The following MRS2 variants were observed in gnomAD, a reference collection of about 807,000 sequenced individuals.
MRS2 encodes magnesium transporter MRS2 homolog, mitochondrial.
In MRS2, 40 loss-of-function variants were observed where a neutral mutation model predicts 52.6. That is an observed-to-expected ratio of 0.76 (90% confidence interval 0.59 to 0.99). The LOEUF (loss-of-function observed/expected upper bound fraction) is 0.99, where lower values mean the gene tolerates loss of function less well. Among genes scored for constraint, MRS2 ranks in the 50% least tolerant of loss-of-function variants. The probability of loss-of-function intolerance (pLI) is 0.00; values close to 1 mark genes in which losing one functional copy is unlikely to be tolerated. For missense variants in MRS2, 472 were observed against 532.7 expected (o/e 0.89, Z 1.12); for synonymous variants, 193 against 195.9 (o/e 0.98, Z 0.13).
At chr6:24,404,593 T>G (rs2127279885) in intron 1 of MRS2, among the ~76,000 whole-genome samples, 1 of 152,212 alleles carries the variant, frequency 6.6e-6, no homozygotes, top group South Asian at 2.1e-4. Flanking sequence ...TCTAATCACG[T>G]TTTAAATAGA....
intron 5 of MRS2, among the ~76,000 whole-genome samples, chr6:24,413,800 C>T (rs151103545): frequency 4.7e-4 from 71 of 152,330 alleles, no homozygotes; most frequent in African/African-American, 1.4e-3. Context: ...TAATTTACGT[C>T]ATCAGTTTTA....
At chr6:24,422,714 T>A (rs1762088627) in intron 9 of MRS2, among the ~76,000 whole-genome samples, 1 of 152,230 alleles carries the variant, frequency 6.6e-6, no homozygotes, top group Admixed American at 6.5e-5. Flanking sequence ...GCAGTACATT[T>A]GGCATATAGA....
At position 24,423,393 on chromosome 6, in the gene MRS2, T is replaced by C. The variant is rs867710855; in HGVS notation, c.1222-191T>C. On this transcript the variant is annotated intron_variant, in intron 10 of 10. Transcript: ENST00000378386. ...CAAATGGAAATGTAGGAAACATTTATAACGTTCTTAAAAGATAGAAAATTC... is the reference window on the plus strand; with the variant it reads ...CAAATGGAAATGTAGGAAACATTTACAACGTTCTTAAAAGATAGAAAATTC... The C allele has an allele frequency of 1.6e-4, 82 of 503,990 alleles. No homozygotes were observed. In the Middle Eastern group the frequency reaches 3.2e-3, roughly 19 times the overall value. 31.2% of individuals were successfully genotyped at this position (503,990 alleles called of 1,614,324 possible). A position where few individuals can be genotyped will look rare whatever the true frequency, so the allele number is the denominator to read the frequency against.
chr6:24,405,743 G>A (rs1296541169), intron 2 of MRS2, among the ~76,000 whole-genome samples: 1 of 147,508 alleles, frequency 6.8e-6, no homozygotes, highest in African/African-American at 2.5e-5. Flanking sequence ...TATGGGAATT[G>A]GTTGTAATAT....
In MRS2 at chr6:24,412,222, T is replaced by G; in HGVS notation, c.415T>G (p.Tyr139Asp). Residue 139 changes from tyrosine (Y) to aspartate (D), a missense_variant and splice_region_variant, in exon 5 of 11, where the codon TAT becomes GAT. Coordinates refer to ENST00000378386, the MANE Select transcript of MRS2 (RefSeq NM_020662.4). ...GTTTTGGTTTTTTTTTTTTTAACAG[T>G]ATTTGAAAGCTGTGATAACTCCAGA... Reference protein sequence around the residue: ...RNNRIIMRMEYLKAVITPECL... With the variant: ...RNNRIIMRMEDLKAVITPECL... The G allele has an allele frequency of 6.5e-7, 1 of 1,527,698 alleles. No homozygotes were observed. Among genetic ancestry groups the G allele is most frequent in the Non-Finnish European group, 8.8e-7 (1 of 1,138,964 alleles). The allele number at this position is 1,527,698 out of a possible 1,614,324, so 94.6% of individuals were successfully genotyped here.
Position 24,415,123 on chromosome 6 carries a change from G to A in MRS2, c.679G>A (p.Asp227Asn). Residue 227 changes from aspartate (D) to asparagine (N), a missense_variant, in exon 6 of 11, where the codon GAC becomes AAC. Asp to Asn is a conservative substitution (Grantham distance 23). Transcript: ENST00000378386. ...GGTGGACCCCAAACATTCTTCTGTAGACAGAAGCAAACTGCACATTTTACT... is the reference window on the plus strand; with the variant it reads ...GGTGGACCCCAAACATTCTTCTGTAAACAGAAGCAAACTGCACATTTTACT... ...ALVDPKHSSV[D>N]RSKLHILLQN... The A allele has an allele frequency of 1.2e-6, 2 of 1,608,030 alleles. No individual in the cohort carries two copies. Among genetic ancestry groups the A allele is most frequent in the African/African-American group, 1.3e-5 (1 of 75,004 alleles).
chr6:24,405,389 C>A, intron 2 of MRS2, 148 bp downstream of exon 2: 1 of 606,448 alleles, frequency 1.6e-6, no homozygotes. Flanking sequence ...GGCCAGTGAC[C>A]TAAGTGCCTG....
intron 7 of MRS2, 146 bp from the exon 8 acceptor site, chr6:24,417,938 C>G: frequency 1.7e-6 from 1 of 594,170 alleles, no homozygotes; most frequent in Non-Finnish European, 2.7e-6. Context: ...GAAACTCCAT[C>G]TCAAAAAAAA....
At chr6:24,419,279 C>T (rs931627725) in intron 9 of MRS2, 4 of 148,830 alleles carry the variant, frequency 2.7e-5, no homozygotes, top group Admixed American at 6.6e-5. Context: ...CTGTAAACTA[C>T]CATGGTGAAA....
chr6:24,409,967 A>G (rs925865795), intron 4 of MRS2, among the ~76,000 whole-genome samples: 1 of 152,196 alleles, frequency 6.6e-6, no homozygotes, highest in Non-Finnish European at 1.5e-5. Flanking sequence ...TAAATAGCAC[A>G]GGAATAGACA....
At chr6:24,420,137 G>GC (rs1761995165) in intron 9 of MRS2, among the ~76,000 whole-genome samples, 1 of 152,170 alleles carries the variant, frequency 6.6e-6, no homozygotes. Context: ...TCCATCTTGT[G>GC]GGTAGCCACT....
chr6:24,415,700 A>T (rs1258508215), intron 6 of MRS2, among the ~76,000 whole-genome samples: 1 of 152,228 alleles, frequency 6.6e-6, no homozygotes, highest in African/African-American at 2.4e-5. Flanking sequence ...GTTCTATATT[A>T]TCACTGCCAT....
chr6:24,422,790 CA>C (rs1762091343), intron 9 of MRS2, 146 bp from the exon 10 acceptor site: 3 of 502,586 alleles, frequency 6.0e-6, no homozygotes, highest in Middle Eastern at 5.3e-4. Flanking sequence ...TGGGTGCTAT[CA>C]AGGCCCTTGT....
At position 24,425,024 on chromosome 6, in the gene MRS2, A is replaced by G. The variant is rs1212712243; in HGVS notation, c.*1330A>G. 6.6e-6 allele frequency: 1 copy of G among 152,278 alleles called. No individual in the cohort carries two copies. The highest frequency in any genetic ancestry group is 1.5e-5 in the Non-Finnish European group (1 of 68,058). The allele number at this position is 152,278 out of a possible 1,614,324, so 9.4% of individuals were successfully genotyped here. A position where few individuals can be genotyped will look rare whatever the true frequency, so the allele number is the denominator to read the frequency against. On this transcript the variant is annotated 3_prime_UTR_variant, in exon 11 of 11. Transcript: ENST00000378386. ...AACAGGACAGGCTGGGCTAGACTCG[A>G]GCACGCAGTGGCCCCTGTGCCACCA...
At position 24,424,157 on chromosome 6, in the gene MRS2, ACT is replaced by A. The variant is rs1183533158; in HGVS notation, c.*466_*467del. 4 of 152,040 alleles carry A rather than the reference ACT, an allele frequency of 2.6e-5. No homozygotes were observed. The highest frequency in any genetic ancestry group is 5.9e-5 in the Non-Finnish European group (4 of 68,066). The allele number at this position is 152,040 out of a possible 1,614,324, so 9.4% of individuals were successfully genotyped here. A position where few individuals can be genotyped will look rare whatever the true frequency, so the allele number is the denominator to read the frequency against. On this transcript the variant is annotated 3_prime_UTR_variant, in exon 11 of 11. Coordinates refer to ENST00000378386, the MANE Select transcript of MRS2 (RefSeq NM_020662.4). ...ATTCTATGTATTAACCTTACAACAG[ACT>A]CTGTAAGTTTGAGCTTTAAAAACCA...
intron 10 of MRS2, 79 bp downstream of exon 10, chr6:24,423,129 G>A (rs1762108943): frequency 8.9e-7 from 1 of 1,125,310 alleles, no homozygotes; most frequent in East Asian, 2.4e-5. Context: ...CTGGGATTAA[G>A]TTGTCACAGG....
chr6:24,415,956 G>A (rs892294532), intron 6 of MRS2, among the ~76,000 whole-genome samples: 3 of 151,716 alleles, frequency 2.0e-5, no homozygotes, highest in Admixed American at 2.0e-4. Flanking sequence ...TTTGAGACGG[G>A]GTTTCACTCC....
chr6:24,413,149 G>A (rs1761723923), intron 5 of MRS2, among the ~76,000 whole-genome samples: 1 of 152,114 alleles, frequency 6.6e-6, no homozygotes, highest in South Asian at 2.1e-4. Flanking sequence ...GCAGAAGAGA[G>A]AAAGAAGATG....
chr6:24,405,991 G>A (rs912406768), intron 2 of MRS2, among the ~76,000 whole-genome samples: 1 of 151,272 alleles, frequency 6.6e-6, no homozygotes, highest in Non-Finnish European at 1.5e-5. Flanking sequence ...TGTAGTCCCA[G>A]CTACTTGGGA....
Sources: gnomAD v4.1 joint callset for allele counts (sites outside exome capture counted in the v4.1 genomes callset) on GRCh38, gnomAD v4.1.1 for gene constraint, MANE v1.5 for transcripts, NCBI Gene and HGNC (gene_info 2026-07-23, HGNC 2026-07-21) for gene names.